Variants in MALRD1 observed in about 807,000 individuals in gnomAD.
MALRD1 encodes the protein MAM and LDL receptor class A domain containing 1.
Under a neutral mutation model 242.1 loss-of-function variants are expected in MALRD1, and 247 were observed. The ratio of observed to expected loss-of-function variants is 1.02; its 90% CI spans 0.92 to 1.13. The LOEUF (loss-of-function observed/expected upper bound fraction) is 1.13. Among genes scored for constraint, MALRD1 ranks in the 50% most tolerant of loss-of-function variants. The probability of loss-of-function intolerance (pLI) is 0.00; values close to 1 mark genes in which losing one functional copy is unlikely to be tolerated. For missense variants in MALRD1, 2,989 were observed against 2,533.1 expected (o/e 1.18, Z -3.86); for synonymous variants, 995 against 866.6 (o/e 1.15, Z -2.60).
intron 28 of MALRD1, among the ~76,000 whole-genome samples, chr10:19,425,212 G>C (rs1411473218): frequency 1.3e-5 from 2 of 152,060 alleles, no homozygotes; most frequent in African/African-American, 4.8e-5. Context: ...TTTTTATTAG[G>C]CTTTAAAAAT....
At chr10:19,120,801 G>A (rs1363192244) in intron 5 of MALRD1, among the ~76,000 whole-genome samples, 1 of 152,198 alleles carries the variant, frequency 6.6e-6, no homozygotes, top group East Asian at 1.9e-4. Flanking sequence ...CTGGAGTGCA[G>A]TGGCACGATC....
intron 18 of MALRD1, among the ~76,000 whole-genome samples, chr10:19,216,487 C>G (rs762067883): frequency 2.0e-5 from 3 of 152,140 alleles, no homozygotes; most frequent in African/African-American, 7.2e-5. Context: ...TTCCTCCCCA[C>G]TCCCTGTTTC....
chr10:19,054,032 G>A (rs1350117268), intron 1 of MALRD1, among the ~76,000 whole-genome samples: 2 of 152,044 alleles, frequency 1.3e-5, no homozygotes, highest in Non-Finnish European at 2.9e-5. Flanking sequence ...TAGTGTTGAT[G>A]AGAATCCCTC....
intron 26 of MALRD1, among the ~76,000 whole-genome samples, chr10:19,372,212 A>G (rs928678873): frequency 6.6e-6 from 1 of 152,196 alleles, no homozygotes; most frequent in Non-Finnish European, 1.5e-5. Context: ...TGAACAATGG[A>G]TATACATTTA....
intron 5 of MALRD1, among the ~76,000 whole-genome samples, chr10:19,111,947 T>C (rs751733130): frequency 6.6e-6 from 1 of 152,148 alleles, no homozygotes; most frequent in East Asian, 1.9e-4. Context: ...ACTTTGTAAA[T>C]GGCAGAAATG....
intron 38 of MALRD1, among the ~76,000 whole-genome samples, chr10:19,719,887 G>C (rs151151494): frequency 0.017 from 2,528 of 151,420 alleles, 72 homozygotes; most frequent in African/African-American, 0.056. Context: ...CCATTAGATA[G>C]TTTACTATTT....
intron 33 of MALRD1, among the ~76,000 whole-genome samples, chr10:19,575,761 G>A (rs935213324): frequency 5.9e-5 from 9 of 152,124 alleles, no homozygotes; most frequent in Admixed American, 1.3e-4. Context: ...CAGTCAGCAA[G>A]TTCTATAAAT....
At chr10:19,146,565 G>A (rs2686656) in intron 11 of MALRD1, among the ~76,000 whole-genome samples, 131,276 of 152,154 alleles carry the variant, frequency 0.86, 57,038 homozygotes, top group African/African-American at 0.96. Context: ...CACTTTTTAT[G>A]AGTTGGGTTA....
At chr10:19,450,629 A>T in intron 29 of MALRD1, 139 bp downstream of exon 29, 1 of 796,480 alleles carries the variant, frequency 1.3e-6, no homozygotes, top group Non-Finnish European at 1.9e-6. Context: ...TAATTTTATA[A>T]TTGTGAACTT....
At chr10:19,438,149 C>A (rs1247486082) in intron 28 of MALRD1, among the ~76,000 whole-genome samples, 1 of 152,040 alleles carries the variant, frequency 6.6e-6, no homozygotes, top group African/African-American at 2.4e-5. Context: ...TTAAAAACCA[C>A]CATTTCACTT....
intron 26 of MALRD1, among the ~76,000 whole-genome samples, chr10:19,358,246 C>T (rs1280830843): frequency 7.1e-6 from 1 of 140,718 alleles, no homozygotes; most frequent in East Asian, 2.0e-4. Flanking sequence ...GTTTAATCAC[C>T]ACAGCTACTT....
In MALRD1 at chr10:19,437,932, G is replaced by A. The variant is rs144214287; in HGVS notation, c.4846-12375G>A. 1.4e-4 allele frequency among the ~76,000 whole-genome samples: 21 copies of A among 152,026 alleles called. No individual in the cohort carries two copies. In the East Asian group the frequency reaches 3.3e-3, roughly 24 times the overall value. On this transcript the variant is annotated intron_variant, in intron 28 of 39. Coordinates refer to ENST00000454679, the MANE Select transcript of MALRD1 (RefSeq NM_001142308.3). ...ACATCCTCAAATTGCCCCATTCCAA[G>A]TCCTTCCTTACAATTTTTGGTAGTT...
chr10:19,117,754 C>T (rs991030951), intron 5 of MALRD1, among the ~76,000 whole-genome samples: 2 of 152,164 alleles, frequency 1.3e-5, no homozygotes, highest in African/African-American at 4.8e-5. Context: ...TGGATGCATT[C>T]ATAAATCATT....
At chr10:19,616,152 A>G (rs1375335057) in intron 36 of MALRD1, among the ~76,000 whole-genome samples, 1 of 151,928 alleles carries the variant, frequency 6.6e-6, no homozygotes, top group Non-Finnish European at 1.5e-5. Context: ...AACATTTTAT[A>G]TGTGTAATAT....
intron 29 of MALRD1, among the ~76,000 whole-genome samples, chr10:19,475,488 A>G (rs1476007223): frequency 2.6e-5 from 4 of 152,238 alleles, no homozygotes; most frequent in African/African-American, 7.2e-5. Flanking sequence ...AATAAAGAAT[A>G]TAAGGTAAAA....
chr10:19,643,079 T>C (rs951159854), intron 36 of MALRD1, among the ~76,000 whole-genome samples: 4 of 152,220 alleles, frequency 2.6e-5, no homozygotes, highest in African/African-American at 9.6e-5. Context: ...TCTTTTTTTA[T>C]ATTCTCTCTG....
intron 19 of MALRD1, among the ~76,000 whole-genome samples, chr10:19,270,330 TCTCTCTCACACACACACACACACACACA>T (rs762532322): frequency 5.6e-5 from 6 of 107,076 alleles, no homozygotes; most frequent in South Asian, 6.9e-4. Context: ...TCTCTCTCTC[TCTCTCTCACACACACACACACACACACA>T]CACACACACA....
intron 36 of MALRD1, among the ~76,000 whole-genome samples, chr10:19,665,352 A>G: frequency 6.6e-6 from 1 of 152,174 alleles, no homozygotes; most frequent in Non-Finnish European, 1.5e-5. Flanking sequence ...TAGCTAATAA[A>G]GTTTCTTTGC....
intron 32 of MALRD1, among the ~76,000 whole-genome samples, chr10:19,551,172 A>G (rs1028250545): frequency 1.5e-4 from 23 of 151,978 alleles, no homozygotes; most frequent in African/African-American, 5.3e-4. Flanking sequence ...TTTTGTTCCT[A>G]TAAACTTAAG....
Sources: gnomAD v4.1 joint callset for allele counts (sites outside exome capture counted in the v4.1 genomes callset) on GRCh38, gnomAD v4.1.1 for gene constraint, MANE v1.5 for transcripts, NCBI Gene and HGNC (gene_info 2026-07-23, HGNC 2026-07-21) for gene names.